The following PCNP variants were observed in gnomAD, a reference collection of about 807,000 sequenced individuals.
PCNP encodes PEST proteolytic signal containing nuclear protein.
In PCNP, 6 loss-of-function variants were observed where a neutral mutation model predicts 21.8. That is an observed-to-expected ratio of 0.28 (90% CI 0.15 to 0.54). The LOEUF (loss-of-function observed/expected upper bound fraction) is 0.54. PCNP is among the 20% of genes least tolerant of loss of function. PCNP has a pLI of 0.95. For synonymous variants in PCNP, 67 were observed against 73.2 expected, an observed-to-expected ratio of 0.92 and a Z score of 0.43; for missense variants, 161 against 215.5, an observed-to-expected ratio of 0.75 and a Z score of 1.58.
intron 3 of PCNP, among the ~76,000 whole-genome samples, chr3:101,588,712 G>A (rs1342039277): frequency 6.6e-6 from 1 of 152,132 alleles, no homozygotes; most frequent in Admixed American, 6.5e-5. Context: ...GAAGAGTACA[G>A]GCCAGTTATT....
chr3:101,587,051 C>T (rs1213495963), intron 3 of PCNP, among the ~76,000 whole-genome samples: 1 of 151,854 alleles, frequency 6.6e-6, no homozygotes, highest in African/African-American at 2.4e-5. Flanking sequence ...GTCAGGAGTT[C>T]GAGACCAGCC....
intron 1 of PCNP, among the ~76,000 whole-genome samples, chr3:101,579,140 T>C (rs534107406): frequency 1.3e-5 from 2 of 152,152 alleles, no homozygotes; most frequent in East Asian, 3.9e-4. Context: ...TTTTTTTTTT[T>C]AAATAGCTCT....
At position 101,579,857 on chromosome 3, in the gene PCNP, T is replaced by G; in HGVS notation, c.132T>G (p.Ser44Arg). The stretch of plus-strand genomic sequence containing the variant: ...TTTCTTCCAGTAATGGAGGGGAAAG[T>G]TCCAGTCGCAGCGCTGAGAAGCGAT... ...KTVSSSNGGESSSRSAEKRSA... is the reference protein window; with the variant it reads ...KTVSSSNGGERSSRSAEKRSA... Residue 44 changes from serine (S) to arginine (R), a missense_variant, in exon 2 of 5, where the codon AGT becomes AGG. Around this residue, in one of 4 missense-constraint regions of PCNP, gnomAD observed 46 missense variants for 39.3 expected, o/e 1.17. Transcript: ENST00000265260. 2 of 1,614,134 alleles carry G rather than the reference T, an allele frequency of 1.2e-6. No homozygotes were observed.
intron 1 of PCNP, among the ~76,000 whole-genome samples, chr3:101,575,679 CAT>C (rs1338460712): frequency 6.6e-6 from 1 of 152,118 alleles, no homozygotes; most frequent in Non-Finnish European, 1.5e-5. Context: ...CCTAAAGAAT[CAT>C]GTGTTGATTT....
At chr3:101,586,023 T>C (rs1052145128) in intron 3 of PCNP, among the ~76,000 whole-genome samples, 1 of 151,710 alleles carries the variant, frequency 6.6e-6, no homozygotes. Context: ...ATACAAAAAT[T>C]AGACAGGCGT....
intron 2 of PCNP, among the ~76,000 whole-genome samples, chr3:101,583,817 A>ATTTTTTT (rs564200727): frequency 9.6e-6 from 1 of 104,054 alleles, no homozygotes; most frequent in Non-Finnish European, 1.9e-5. Context: ...TATCCAGCTA[A>ATTTTTTT]TTTTTTTTTT....
chr3:101,584,414 C>G (rs72931715), intron 2 of PCNP, among the ~76,000 whole-genome samples: 3,325 of 152,204 alleles, frequency 0.022, 119 homozygotes, highest in African/African-American at 0.076. Context: ...GTTGAGATTG[C>G]ACATGTGAGG....
intron 2 of PCNP, among the ~76,000 whole-genome samples, chr3:101,583,253 C>T (rs536618370): frequency 8.5e-5 from 13 of 152,164 alleles, no homozygotes; most frequent in African/African-American, 2.4e-4. Context: ...GCCAGGAGTT[C>T]GAGACCAGCC....
In PCNP at chr3:101,592,847, CTT is replaced by C; in HGVS notation, c.*102_*103del. ...TGGTATAAGACTATCTTTGGAGCCG[CTT>C]TTTTTTTCTTTTTCATTTTTTTAAA... On this transcript the variant is annotated 3_prime_UTR_variant, in exon 5 of 5. Transcript: ENST00000265260. 1 of 1,026,810 alleles carries C rather than the reference CTT, an allele frequency of 9.7e-7. No homozygotes were observed. The highest frequency in any genetic ancestry group is 1.3e-6 in the Non-Finnish European group (1 of 749,158). The allele number at this position is 1,026,810 out of a possible 1,614,324, so 63.6% of individuals were successfully genotyped here.
At position 101,587,837 on chromosome 3, in the gene PCNP, G is replaced by C. The variant is rs79048836; in HGVS notation, c.354+2326G>C. Among the ~76,000 whole-genome samples, 216 of 152,236 alleles carry C rather than the reference G, an allele frequency of 1.4e-3. 1 individual carries two copies. Among genetic ancestry groups the C allele is most frequent in the Middle Eastern group, 3.4e-3 (1 of 294 alleles). On this transcript the variant is annotated intron_variant, in intron 3 of 4. Coordinates refer to ENST00000265260, the MANE Select transcript of PCNP (RefSeq NM_020357.3). ...GAACGATACAGGATGCAGGGAATAC[G>C]TGCAAAAGTGCAGAGGTTGGAAATT...
At chr3:101,575,026 C>T (rs1309052200) in intron 1 of PCNP, 2 of 152,176 alleles carry the variant, frequency 1.3e-5, no homozygotes, top group East Asian at 1.9e-4. Context: ...TAGCGTGACT[C>T]TTCCTGTATT....
intron 3 of PCNP, among the ~76,000 whole-genome samples, chr3:101,586,043 G>C (rs1037424737): frequency 4.6e-5 from 7 of 151,822 alleles, no homozygotes; most frequent in African/African-American, 1.7e-4. Flanking sequence ...TGGTGGCACA[G>C]GCCTATAATC....
At chr3:101,582,001 A>G (rs1935249654) in intron 2 of PCNP, among the ~76,000 whole-genome samples, 1 of 151,838 alleles carries the variant, frequency 6.6e-6, no homozygotes, top group Non-Finnish European at 1.5e-5. Flanking sequence ...CAGCCTGCCA[A>G]AGTGCTGGGA....
At chr3:101,578,991 A>G (rs924746266) in intron 1 of PCNP, among the ~76,000 whole-genome samples, 1 of 152,208 alleles carries the variant, frequency 6.6e-6, no homozygotes, top group Non-Finnish European at 1.5e-5. Context: ...AACTAATTTC[A>G]TCATTGACTT....
chr3:101,590,436 A>G (rs900618451), intron 4 of PCNP, among the ~76,000 whole-genome samples, 166 bp downstream of exon 4: 58 of 152,248 alleles, frequency 3.8e-4, no homozygotes, highest in African/African-American at 1.4e-3. Context: ...TTGAAGATGA[A>G]TAAGACATGG....
intron 3 of PCNP, among the ~76,000 whole-genome samples, chr3:101,589,444 C>A (rs1405568194): frequency 1.3e-5 from 2 of 148,258 alleles, no homozygotes; most frequent in Admixed American, 1.4e-4. Context: ...GAGTTTCACT[C>A]ATGTCACCCA....
intron 2 of PCNP, among the ~76,000 whole-genome samples, chr3:101,582,446 T>C (rs1935273166): frequency 6.6e-6 from 1 of 152,106 alleles, no homozygotes; most frequent in Non-Finnish European, 1.5e-5. Flanking sequence ...TGAGACTCCG[T>C]CTCAAAAATA....
At position 101,592,904 on chromosome 3, in the gene PCNP, T is replaced by G; in HGVS notation, c.*151T>G. ...TGAGTGGTACACTAATAAATGAGAG[T>G]TTGAAATTAGAGGTAATTTATGTTT... is the stretch of plus-strand genomic sequence containing the variant. On this transcript the variant is annotated 3_prime_UTR_variant, in exon 5 of 5. Coordinates refer to ENST00000265260, the MANE Select transcript of PCNP (RefSeq NM_020357.3). 1 of 507,624 alleles carries G rather than the reference T, an allele frequency of 2.0e-6. No homozygotes were observed. The highest frequency in any genetic ancestry group is 3.3e-6 in the Non-Finnish European group (1 of 307,092). The allele number at this position is 507,624 out of a possible 1,614,324, so 31.4% of individuals were successfully genotyped here. A position where few individuals can be genotyped will look rare whatever the true frequency, so the allele number is the denominator to read the frequency against.
chr3:101,581,072 T>G (rs2108277869), intron 2 of PCNP, among the ~76,000 whole-genome samples: 1 of 152,338 alleles, frequency 6.6e-6, no homozygotes, highest in East Asian at 1.9e-4. Flanking sequence ...CTATTCTCAT[T>G]TTAAAAAGCT....
Sources: gnomAD v4.1 joint callset for allele counts (sites outside exome capture counted in the v4.1 genomes callset) on GRCh38, gnomAD v4.1.1 for gene constraint, gnomAD v4.1.1 regional missense constraint, MANE v1.5 for transcripts, NCBI Gene and HGNC (gene_info 2026-07-23, HGNC 2026-07-21) for gene names.